The following HIPK2 variants were observed in gnomAD, a reference collection of about 807,000 sequenced individuals.
HIPK2 encodes the protein homeodomain-interacting protein kinase 2.
A neutral mutation model predicts 113.7 loss-of-function variants in HIPK2; 27 were observed. That is an observed-to-expected ratio of 0.24 (90% confidence interval 0.17 to 0.33). The LOEUF is 0.33. Among genes scored for constraint, HIPK2 ranks in the 10% least tolerant of loss-of-function variants. The pLI is 1.00. For synonymous variants in HIPK2, 631 were observed against 642.2 expected (o/e 0.98, Z 0.26); for missense variants, 1,257 against 1,588.0 (o/e 0.79, Z 3.54).
intron 2 of HIPK2, among the ~76,000 whole-genome samples, chr7:139,698,280 T>C (rs1276220745): frequency 6.6e-6 from 1 of 152,258 alleles, no homozygotes; most frequent in Admixed American, 6.5e-5. Context: ...GTAGCATTTA[T>C]CAGTACATTT....
At chr7:139,651,174 C>A (rs551324804) in intron 2 of HIPK2, among the ~76,000 whole-genome samples, 74 of 152,230 alleles carry the variant, frequency 4.9e-4, no homozygotes, top group Non-Finnish European at 7.9e-4. Context: ...CCAGCCCCTG[C>A]CCTGCCCTGA....
intron 2 of HIPK2, among the ~76,000 whole-genome samples, chr7:139,702,357 T>C (rs984979472): frequency 6.6e-6 from 1 of 152,084 alleles, no homozygotes; most frequent in African/African-American, 2.4e-5. Flanking sequence ...CAGGGAAGCA[T>C]CCTGGCTCTG....
chr7:139,575,424 T>C, intron 13 of HIPK2, 136 bp from the exon 14 acceptor site: 1 of 1,004,110 alleles, frequency 1.0e-6, no homozygotes, highest in Non-Finnish European at 1.4e-6. Flanking sequence ...CAGCCTCATC[T>C]CCCCCGGACC....
At chr7:139,670,432 T>TA (rs34161299) in intron 2 of HIPK2, among the ~76,000 whole-genome samples, 77,464 of 148,704 alleles carry the variant, frequency 0.52, 20,457 homozygotes, top group Admixed American at 0.58. Context: ...AAAAATCAGT[T>TA]AAAAAAAAAA....
At position 139,753,211 on chromosome 7, in the gene HIPK2, C is replaced by T. The variant is rs1280790959; in HGVS notation, c.19+24394G>A. 2.6e-5 allele frequency among the ~76,000 whole-genome samples: 4 copies of T among 152,162 alleles called. No individual in the cohort carries two copies. In the East Asian group the frequency reaches 7.7e-4, roughly 29 times the overall value. On this transcript the variant is annotated intron_variant, in intron 1 of 14. Transcript: ENST00000406875. Reference sequence around the variant, plus strand: ...AGGTGATGGAGACTGAGGCTGCCTCCGCAGAACAGAGGGCAGCTGCATTAC... The same window carrying T: ...AGGTGATGGAGACTGAGGCTGCCTCTGCAGAACAGAGGGCAGCTGCATTAC...
At chr7:139,776,617 G>A (rs1347501918) in intron 1 of HIPK2, among the ~76,000 whole-genome samples, 1 of 152,090 alleles carries the variant, frequency 6.6e-6, no homozygotes, top group Non-Finnish European at 1.5e-5. Context: ...AAGAAAGCCG[G>A]GGGACCCACG....
At chr7:139,746,211 C>CA (rs1482488340) in intron 1 of HIPK2, among the ~76,000 whole-genome samples, 1 of 152,220 alleles carries the variant, frequency 6.6e-6, no homozygotes, top group African/African-American at 2.4e-5. Flanking sequence ...TTGTTCCAGT[C>CA]AGCCCAAGTG....
At chr7:139,742,979 T>C (rs992416392) in intron 1 of HIPK2, among the ~76,000 whole-genome samples, 2 of 152,160 alleles carry the variant, frequency 1.3e-5, no homozygotes, top group African/African-American at 4.8e-5. Flanking sequence ...GGCCAAGTCT[T>C]TAGGACAGAA....
chr7:139,685,927 G>A (rs1794202755), intron 2 of HIPK2, among the ~76,000 whole-genome samples: 1 of 152,184 alleles, frequency 6.6e-6, no homozygotes, highest in South Asian at 2.1e-4. Flanking sequence ...CATAGATCAA[G>A]GGGTAATTTT....
chr7:139,670,734 T>G (rs1373452911), intron 2 of HIPK2, among the ~76,000 whole-genome samples: 1 of 76,428 alleles, frequency 1.3e-5, no homozygotes, highest in Non-Finnish European at 2.3e-5. Flanking sequence ...CTTTTTCTTT[T>G]CTTTCTTTCT....
In HIPK2 at chr7:139,567,325, GA is replaced by G. The variant is rs1283218154; in HGVS notation, c.*5601del. 1 of 151,924 alleles carries G rather than the reference GA, an allele frequency of 6.6e-6. No individual in the cohort carries two copies. Among genetic ancestry groups the G allele is most frequent in the Non-Finnish European group, 1.5e-5 (1 of 68,008 alleles). The allele number at this position is 151,924 out of a possible 1,614,324, so 9.4% of individuals were successfully genotyped here. On this transcript the variant is annotated 3_prime_UTR_variant, in exon 15 of 15. Coordinates refer to ENST00000406875, the MANE Select transcript of HIPK2 (RefSeq NM_022740.5). ...GTATTGGTATGGCACCTTGTCTCCC[GA>G]TAGCAGCAGCATCGAAGGGGTCACC...
intron 13 of HIPK2, among the ~76,000 whole-genome samples, chr7:139,575,883 C>A (rs2116486623): frequency 6.6e-6 from 1 of 152,378 alleles, no homozygotes; most frequent in Non-Finnish European, 1.5e-5. Flanking sequence ...CTTCTGCCTC[C>A]TGTGCTAGGA....
At chr7:139,720,161 G>C (rs868327902) in intron 1 of HIPK2, among the ~76,000 whole-genome samples, 1 of 152,092 alleles carries the variant, frequency 6.6e-6, no homozygotes, top group East Asian at 1.9e-4. Context: ...TCCTTTACCT[G>C]GCATGCCTTT....
At chr7:139,736,037 C>T (rs1795929196) in intron 1 of HIPK2, among the ~76,000 whole-genome samples, 1 of 152,068 alleles carries the variant, frequency 6.6e-6, no homozygotes, top group African/African-American at 2.4e-5. Flanking sequence ...TCTTTGGTGC[C>T]TAGTTTCGAT....
chr7:139,721,749 G>C (rs6957092), intron 1 of HIPK2, among the ~76,000 whole-genome samples: 9,713 of 152,014 alleles, frequency 0.064, 579 homozygotes, highest in Admixed American at 0.19. Flanking sequence ...TTCTAGGTGA[G>C]AGACCAGGGG....
chr7:139,700,983 G>A (rs1157225910), intron 2 of HIPK2, among the ~76,000 whole-genome samples: 14 of 152,178 alleles, frequency 9.2e-5, no homozygotes, highest in Non-Finnish European at 1.8e-4. Flanking sequence ...GAAACAGTTC[G>A]GAAAAATTTA....
At chr7:139,763,045 A>G (rs1796494141) in intron 1 of HIPK2, among the ~76,000 whole-genome samples, 1 of 152,216 alleles carries the variant, frequency 6.6e-6, no homozygotes, top group African/African-American at 2.4e-5. Context: ...GCAGGAGAAC[A>G]TTCCAGGAAG....
chr7:139,700,438 T>A (rs2116843641), intron 2 of HIPK2, among the ~76,000 whole-genome samples: 1 of 152,322 alleles, frequency 6.6e-6, no homozygotes, highest in African/African-American at 2.4e-5. Flanking sequence ...AGCCCTTTCC[T>A]GCAAATACTC....
chr7:139,670,245 T>C (rs554895404), intron 2 of HIPK2, among the ~76,000 whole-genome samples: 23 of 152,116 alleles, frequency 1.5e-4, no homozygotes, highest in Admixed American at 9.8e-4. Flanking sequence ...TGATCTGCAT[T>C]CTGAATTGAG....
Sources: allele counts gnomAD v4.1 joint callset (sites outside exome capture counted in the v4.1 genomes callset), GRCh38; gene constraint gnomAD v4.1.1; transcripts MANE v1.5; gene names NCBI Gene and HGNC (gene_info 2026-07-23, HGNC 2026-07-21).